POFUT3: variants seen among roughly 807,000 people sequenced by gnomAD.
The protein encoded by POFUT3 is protein O-fucosyltransferase 3.
chr8:33,452,826 G>A, the POFUT3 span: 1 of 178,662 alleles, frequency 5.6e-6, no homozygotes, highest in African/African-American at 2.4e-5. Context: ...CTTAAGCTAT[G>A]TGATAGGTAC....
At chr8:33,325,398 T>G in the POFUT3 span, among the ~76,000 whole-genome samples, 1 of 152,214 alleles carries the variant, frequency 6.6e-6, no homozygotes, top group Non-Finnish European at 1.5e-5. Flanking sequence ...TCAATTATGA[T>G]TTGTCCTGAA....
the POFUT3 span, among the ~76,000 whole-genome samples, chr8:33,397,400 A>C: frequency 1.3e-5 from 2 of 152,216 alleles, no homozygotes; most frequent in Non-Finnish European, 2.9e-5. Context: ...CTCTCTAGCC[A>C]GCACTCCCAG....
At chr8:33,394,149 C>A in the POFUT3 span, 1 of 199,730 alleles carries the variant, frequency 5.0e-6, no homozygotes, top group South Asian at 7.3e-5. Flanking sequence ...CACGCCACTG[C>A]ACTCCAGCCT....
the POFUT3 span, among the ~76,000 whole-genome samples, chr8:33,383,420 C>A: frequency 1.3e-5 from 2 of 152,286 alleles, no homozygotes; most frequent in Non-Finnish European, 2.9e-5. Context: ...GCACTCAACA[C>A]CTAAGTGAGA....
the POFUT3 span, chr8:33,453,338 A>G: frequency 8.1e-6 from 13 of 1,614,210 alleles, no homozygotes; most frequent in Non-Finnish European, 9.3e-6. Flanking sequence ...GGACCACCAG[A>G]GCATAATGGG....
chr8:33,416,148 T>G, the POFUT3 span, among the ~76,000 whole-genome samples: 1 of 152,136 alleles, frequency 6.6e-6, no homozygotes, highest in Non-Finnish European at 1.5e-5. Context: ...TGTTTAAGTG[T>G]AACAGAAGAA....
the POFUT3 span, among the ~76,000 whole-genome samples, chr8:33,397,714 G>A: frequency 2.0e-5 from 3 of 152,172 alleles, no homozygotes; most frequent in Non-Finnish European, 4.4e-5. Context: ...ACATACAGAT[G>A]TATCACACTC....
the POFUT3 span, among the ~76,000 whole-genome samples, chr8:33,350,253 GC>G: frequency 6.6e-6 from 1 of 152,126 alleles, no homozygotes; most frequent in Admixed American, 6.5e-5. Flanking sequence ...CTGTGCAGAA[GC>G]TTTTTATTAA....
chr8:33,467,255 G>A, the POFUT3 span, among the ~76,000 whole-genome samples: 118 of 124,220 alleles, frequency 9.5e-4, no homozygotes, highest in Admixed American at 2.1e-3. Flanking sequence ...CCTGGGCGAC[G>A]GAGCGAGACT....
chr8:33,339,749 G>C, the POFUT3 span, among the ~76,000 whole-genome samples: 2 of 152,052 alleles, frequency 1.3e-5, no homozygotes, highest in Non-Finnish European at 2.9e-5. Flanking sequence ...AACCACAGTG[G>C]CCAATAAGAA....
At chr8:33,436,733 C>T in the POFUT3 span, 1 of 659,684 alleles carries the variant, frequency 1.5e-6, no homozygotes, top group Non-Finnish European at 2.7e-6. Flanking sequence ...ATCAGCAGGG[C>T]CTCCTCCTTG....
At chr8:33,405,992 G>A in the POFUT3 span, among the ~76,000 whole-genome samples, 1 of 152,162 alleles carries the variant, frequency 6.6e-6, no homozygotes, top group South Asian at 2.1e-4. Flanking sequence ...TTAGTAGTAC[G>A]TAGTAAATTT....
chr8:33,442,115 A>G, the POFUT3 span, among the ~76,000 whole-genome samples: 6,052 of 151,602 alleles, frequency 0.04, 175 homozygotes, highest in African/African-American at 0.075. Context: ...ATGCCCGGCT[A>G]ATTTTTGTTT....
chr8:33,374,878 C>CTT, the POFUT3 span, among the ~76,000 whole-genome samples: 80 of 141,584 alleles, frequency 5.7e-4, no homozygotes, highest in East Asian at 5.3e-3. Context: ...CTTTTCTTTT[C>CTT]TTTTTTTTTT....
the POFUT3 span, among the ~76,000 whole-genome samples, chr8:33,382,958 CAT>C: frequency 6.6e-6 from 1 of 152,150 alleles, no homozygotes; most frequent in Non-Finnish European, 1.5e-5. Flanking sequence ...TCTCAGCACC[CAT>C]ATCACACACG....
chr8:33,453,593 CCT>C, the POFUT3 span: 10 of 1,211,596 alleles, frequency 8.3e-6, no homozygotes, highest in African/African-American at 3.0e-5. Context: ...TGATTTAGCC[CCT>C]GACTCGTTTT....
the POFUT3 span, among the ~76,000 whole-genome samples, chr8:33,393,593 C>A: frequency 5.3e-5 from 8 of 152,210 alleles, no homozygotes; most frequent in Admixed American, 2.0e-4. Flanking sequence ...TACTCCCATA[C>A]AAACTGGTGA....
chr8:33,436,270 C>T, the POFUT3 span: 1 of 1,358,186 alleles, frequency 7.4e-7, no homozygotes, highest in African/African-American at 1.4e-5. Flanking sequence ...GAATTTCAGC[C>T]CACACACATC....
chr8:33,396,213 T>A, the POFUT3 span, among the ~76,000 whole-genome samples: 3 of 151,904 alleles, frequency 2.0e-5, no homozygotes, highest in African/African-American at 7.3e-5. Context: ...AATGCTACCC[T>A]TCCTGTGCCT....
Sources: gnomAD v4.1 joint callset for allele counts (sites outside exome capture counted in the v4.1 genomes callset) on GRCh38, gnomAD v4.1.1 for gene constraint, MANE v1.5 for transcripts, NCBI Gene and HGNC (gene_info 2026-07-23, HGNC 2026-07-21) for gene names.